The following FGF13 variants were observed in gnomAD, a reference collection of about 807,000 sequenced individuals.
FGF13 encodes fibroblast growth factor 13, also known as fibroblast growth factor homologous factor 2.
In FGF13, 2 loss-of-function variants were observed where a neutral mutation model predicts 19.5. The observed-to-expected ratio is 0.10, with a 90% CI of 0.04 to 0.32. The LOEUF is 0.32. Ranked by LOEUF, FGF13 falls within the 10% of genes least tolerant of loss-of-function variation. The probability of loss-of-function intolerance (pLI) is 1.00; values close to 1 mark genes in which losing one functional copy is unlikely to be tolerated. For missense variants in FGF13, 113 were observed against 192.7 expected (o/e 0.59, Z 2.45); for synonymous variants, 72 against 76.9 (o/e 0.94, Z 0.33).
chrX:138,657,757 C>T (rs1044751599), intron 3 of FGF13, among the ~76,000 whole-genome samples: 1 of 111,804 alleles, frequency 8.9e-6, no homozygotes, highest in Non-Finnish European at 1.9e-5. Flanking sequence ...TAATCCAAAA[C>T]CAAAATTCAG....
intron 1 of FGF13, among the ~76,000 whole-genome samples, chrX:138,865,497 C>CT (rs2091317935): frequency 2.0e-5 from 2 of 99,274 alleles, no homozygotes; most frequent in African/African-American, 7.4e-5. Flanking sequence ...CTCTCTCTCT[C>CT]CTCTCTCTCT....
rs2092213070 is a variant in FGF13, at chrX:139,028,671, G to GAC, written c.-112-164022_-112-164021insGT. Among the ~76,000 whole-genome samples, 10 of 79,297 alleles carry GAC rather than the reference G, an allele frequency of 1.3e-4. No homozygotes were observed. The Admixed American group carries it at 1.5e-3, about 12-fold the overall frequency. The allele number at this position is 79,297 out of a possible 115,157, so 68.9% of individuals were successfully genotyped here. On this transcript the variant is annotated intron_variant, in intron 1 of 2. Transcript: ENST00000421460. ...TGTGTGAGAGAGAGAGAGAAAGAGA[G>GAC]AGTGTGTGTGAAAGACAGTGTGTGT...
chrX:138,927,602 A>C (rs1329258055), intron 1 of FGF13, among the ~76,000 whole-genome samples: 3 of 112,402 alleles, frequency 2.7e-5, no homozygotes, highest in Non-Finnish European at 5.6e-5. Context: ...TAGAACAAAA[A>C]AACATGTCTT....
intron 1 of FGF13, among the ~76,000 whole-genome samples, chrX:139,089,288 G>T (rs1309007994): frequency 2.7e-5 from 3 of 111,939 alleles, no homozygotes; most frequent in Non-Finnish European, 5.6e-5. Context: ...ATTTCAAAAG[G>T]TAAATCAAAG....
chrX:138,934,995 C>T (rs1273068817), intron 1 of FGF13, among the ~76,000 whole-genome samples: 1 of 111,437 alleles, frequency 9.0e-6, no homozygotes, highest in East Asian at 2.8e-4. Flanking sequence ...CTCTTCTCCC[C>T]CTGCCCTCAG....
chrX:138,810,332 AAGCAATGGGGAAAGGAT>A lies in FGF13; in HGVS notation c.217+47163_217+47179del, dbSNP rs2090912282. Among the ~76,000 whole-genome samples the A allele has an allele frequency of 6.3e-5, 7 of 111,810 alleles. No homozygotes were observed. In the South Asian group the frequency reaches 2.7e-3, roughly 42 times the overall value. ...GATCTTTGACAAACCTGAGAAAAAC[AAGCAATGGGGAAAGGAT>A]TCCCTATTTAATAAATGGTGCTGGG... On this transcript the variant is annotated intron_variant, in intron 3 of 6. Coordinates refer to the FGF13 transcript ENST00000436198.
In FGF13 at chrX:138,836,922, T is replaced by A. The variant is rs147064098; in HGVS notation, c.217+20590A>T. Among the ~76,000 whole-genome samples, 363 of 108,139 alleles carry A rather than the reference T, an allele frequency of 3.4e-3. 2 individuals are homozygous for A. The highest frequency in any genetic ancestry group is 4.8e-3 in the Non-Finnish European group (251 of 52,166). 93.9% of individuals were successfully genotyped at this position (108,139 alleles called of 115,157 possible). A position where few individuals can be genotyped will look rare whatever the true frequency, so the allele number is the denominator to read the frequency against. ...CTTTAACAGTCTGGCCCCTTTTCCA[T>A]AGGGCTGTTGTGGTATTCTGGGGGT... On this transcript the variant is annotated intron_variant, in intron 3 of 6. Coordinates refer to the FGF13 transcript ENST00000436198.
At chrX:138,970,559 C>T (rs1422926813) in intron 1 of FGF13, among the ~76,000 whole-genome samples, 3 of 111,687 alleles carry the variant, frequency 2.7e-5, no homozygotes, top group Non-Finnish European at 3.8e-5. Flanking sequence ...ACCCAGAGCG[C>T]GTCAGGATGC....
chrX:138,922,160 C>CAA (rs11447268), intron 1 of FGF13, among the ~76,000 whole-genome samples: 3 of 106,056 alleles, frequency 2.8e-5, no homozygotes, highest in Admixed American at 1.0e-4. Flanking sequence ...TTTTCTCACA[C>CAA]AAAAAAAATG....
chrX:139,160,310 G>C (rs1307666219), intron 1 of FGF13, among the ~76,000 whole-genome samples: 2 of 111,881 alleles, frequency 1.8e-5, no homozygotes, highest in East Asian at 5.6e-4. Context: ...AAGACACAAC[G>C]TAACACAATC....
intron 1 of FGF13, among the ~76,000 whole-genome samples, chrX:139,150,067 C>T (rs930100865): frequency 5.4e-5 from 6 of 111,712 alleles, no homozygotes; most frequent in African/African-American, 2.0e-4. Context: ...TTGGCTAATT[C>T]TCTCCATCTG....
intron 1 of FGF13, among the ~76,000 whole-genome samples, chrX:139,057,671 G>A (rs935912814): frequency 9.0e-6 from 1 of 111,647 alleles, no homozygotes; most frequent in Admixed American, 9.5e-5. Context: ...CAAATATTTT[G>A]GTATATCCAT....
intron 3 of FGF13, among the ~76,000 whole-genome samples, chrX:138,768,215 C>T (rs763985555): frequency 1.8e-5 from 2 of 112,127 alleles, no homozygotes; most frequent in South Asian, 3.7e-4. Flanking sequence ...CTTCAAACAT[C>T]GTGAAACATT....
chrX:139,160,604 C>G (rs747127133), intron 1 of FGF13, among the ~76,000 whole-genome samples: 1 of 110,761 alleles, frequency 9.0e-6, no homozygotes, highest in Non-Finnish European at 1.9e-5. Flanking sequence ...GTCAGACTGA[C>G]GAATAAAGAA....
intron 1 of FGF13, among the ~76,000 whole-genome samples, chrX:138,968,531 T>C (rs192179351): frequency 8.8e-4 from 99 of 112,298 alleles, no homozygotes; most frequent in Non-Finnish European, 1.5e-3. Flanking sequence ...CAAACATCTT[T>C]TCTGTTTCCT....
At chrX:138,841,534 A>G (rs2124109446) in intron 3 of FGF13, among the ~76,000 whole-genome samples, 1 of 110,321 alleles carries the variant, frequency 9.1e-6, no homozygotes, top group Non-Finnish European at 1.9e-5. Flanking sequence ...TTATTTATAT[A>G]TATATAAGGA....
At chrX:139,201,316 C>A (rs1313141985) in intron 1 of FGF13, among the ~76,000 whole-genome samples, 4 of 112,037 alleles carry the variant, frequency 3.6e-5, no homozygotes, top group Non-Finnish European at 7.5e-5. Context: ...AACCTACTAC[C>A]TGTGCTTTAA....
intron 3 of FGF13, among the ~76,000 whole-genome samples, chrX:138,782,846 A>G (rs1602843797): frequency 2.1e-5 from 2 of 96,751 alleles, no homozygotes; most frequent in South Asian, 5.6e-4. Context: ...AAAAGAGCCC[A>G]CATCGCCAAG....
intron 1 of FGF13, among the ~76,000 whole-genome samples, chrX:139,007,257 TC>T (rs1272845767): frequency 9.1e-6 from 1 of 110,171 alleles, no homozygotes; most frequent in East Asian, 2.9e-4. Flanking sequence ...AAAAAGAAAG[TC>T]ACTGTATAAT....
Sources: gnomAD v4.1 joint callset for allele counts (sites outside exome capture counted in the v4.1 genomes callset) on GRCh38, gnomAD v4.1.1 for gene constraint, MANE v1.5 for transcripts, NCBI Gene and HGNC (gene_info 2026-07-23, HGNC 2026-07-21) for gene names.